Variants in ARHGEF28 observed in about 807,000 individuals in gnomAD.
ARHGEF28 encodes 190 kDa guanine nucleotide exchange factor.
A neutral mutation model predicts 206.6 loss-of-function variants in ARHGEF28; 152 were observed. The observed-to-expected ratio is 0.74, with a 90% confidence interval of 0.64 to 0.84. The LOEUF is 0.84. ARHGEF28 is among the 40% of genes least tolerant of loss of function. The probability of loss-of-function intolerance (pLI) is 0.00; values close to 1 mark genes in which losing one functional copy is unlikely to be tolerated. For synonymous variants in ARHGEF28, 763 were observed against 776.4 expected, an observed-to-expected ratio of 0.98 and a Z score of 0.29; for missense variants, 2,028 against 2,073.2, an observed-to-expected ratio of 0.98 and a Z score of 0.42.
Position 73,690,525 on chromosome 5 carries a change from C to CAA in ARHGEF28, c.33+5666_33+5667dup, listed in dbSNP as rs71615796. On this transcript the variant is annotated intron_variant, in intron 2 of 35. Transcript: ENST00000513042. ...TCAACATTGTAAGACTCTGTCTTTA[C>CAA]AAAAAAAAAAAAAAAAAAAAAAAAA... Among the ~76,000 whole-genome samples the CAA allele has an allele frequency of 6.5e-3, 153 of 23,364 alleles. 29 individuals carry two copies. Among genetic ancestry groups the CAA allele is most frequent in the African/African-American group, 0.013 (132 of 10,408 alleles). 15.3% of individuals were successfully genotyped at this position (23,364 alleles called of 152,430 possible).
chr5:73,813,167 A>T (rs978244901), intron 9 of ARHGEF28, among the ~76,000 whole-genome samples: 1 of 152,128 alleles, frequency 6.6e-6, no homozygotes, highest in African/African-American at 2.4e-5. Context: ...GAGCAAAACA[A>T]GCCTGCACTG....
Position 73,840,670 on chromosome 5 carries a change from T to C in ARHGEF28, c.1337T>C (p.Met446Thr), listed in dbSNP as rs922588511. The stretch of plus-strand genomic sequence containing the variant: ...CACACTGAAGCCCAGCAGTCCTTCA[T>C]GTCACCATCAAGTTCGTGTGCTTCC... ...TAHTEAQQSF[M>T]SPSSSCASNL... The change falls in exon 11 of 36, where the codon ATG becomes ACG. Residue 446 changes from methionine to threonine, a missense_variant. By Grantham distance (81) the Met-to-Thr change is moderately conservative (BLOSUM62 -1). Transcript: ENST00000513042. 2.8e-5 allele frequency: 45 copies of C among 1,613,536 alleles called. No individual in the cohort carries two copies. The highest frequency in any genetic ancestry group is 3.6e-5 in the Non-Finnish European group (43 of 1,179,708).
chr5:73,628,677 A>T (rs1478823748), intron 1 of ARHGEF28, among the ~76,000 whole-genome samples: 2 of 152,332 alleles, frequency 1.3e-5, no homozygotes, highest in African/African-American at 4.8e-5. Flanking sequence ...CCTACTGAGG[A>T]TGTAAAAACA....
chr5:73,844,566 T>A (rs775455623), intron 11 of ARHGEF28, among the ~76,000 whole-genome samples: 41 of 151,740 alleles, frequency 2.7e-4, no homozygotes, highest in Middle Eastern at 3.4e-3. Context: ...TATTTTTTTT[T>A]AAATAACCTA....
chr5:73,802,870 C>CTGTGTGTGTGTG (rs561505395), intron 9 of ARHGEF28, among the ~76,000 whole-genome samples: 59 of 122,220 alleles, frequency 4.8e-4, no homozygotes, highest in African/African-American at 1.7e-3. Flanking sequence ...AGCTCGATTG[C>CTGTGTGTGTGTG]TGTGTGTGTG....
intron 9 of ARHGEF28, among the ~76,000 whole-genome samples, chr5:73,818,562 A>T (rs944701351): frequency 6.6e-5 from 10 of 152,144 alleles, no homozygotes; most frequent in African/African-American, 2.4e-4. Context: ...AGGTGACATA[A>T]CCTGCTAAGA....
chr5:73,849,156 T>A, intron 13 of ARHGEF28, 69 bp downstream of exon 13: 1 of 1,092,664 alleles, frequency 9.2e-7, no homozygotes, highest in Non-Finnish European at 1.3e-6. Context: ...TTAGTATAAG[T>A]ACATAAAATA....
intron 12 of ARHGEF28, among the ~76,000 whole-genome samples, chr5:73,847,859 T>C (rs1184507187): frequency 1.3e-5 from 2 of 152,234 alleles, no homozygotes; most frequent in African/African-American, 4.8e-5. Flanking sequence ...GTTGGCCTTC[T>C]TGACGTCTAG....
intron 2 of ARHGEF28, among the ~76,000 whole-genome samples, chr5:73,710,639 T>C (rs1749183823): frequency 6.6e-6 from 1 of 152,218 alleles, no homozygotes; most frequent in African/African-American, 2.4e-5. Context: ...ATGCAGAGTT[T>C]TAAAAAAATG....
chr5:73,680,149 T>C, intron 1 of ARHGEF28, among the ~76,000 whole-genome samples: 1 of 152,028 alleles, frequency 6.6e-6, no homozygotes, highest in Non-Finnish European at 1.5e-5. Context: ...AAAAAATAAT[T>C]CACAGCTGGG....
At chr5:73,765,529 C>A (rs1752846073) in intron 4 of ARHGEF28, among the ~76,000 whole-genome samples, 1 of 152,198 alleles carries the variant, frequency 6.6e-6, no homozygotes, top group Non-Finnish European at 1.5e-5. Flanking sequence ...CCCATCATAT[C>A]TACAAAACAC....
intron 2 of ARHGEF28, among the ~76,000 whole-genome samples, chr5:73,738,679 T>A (rs11744552): frequency 0.25 from 38,585 of 152,102 alleles, 5,182 homozygotes; most frequent in Non-Finnish European, 0.3. Flanking sequence ...AAGGACTTGG[T>A]GGTCCACCAT....
At chr5:73,723,472 C>A (rs968409558) in intron 2 of ARHGEF28, among the ~76,000 whole-genome samples, 1 of 152,224 alleles carries the variant, frequency 6.6e-6, no homozygotes, top group Non-Finnish European at 1.5e-5. Flanking sequence ...AGGCGTGAGC[C>A]ACCACACCCA....
chr5:73,834,543 TGTG>T (rs1757493360), intron 10 of ARHGEF28, among the ~76,000 whole-genome samples: 1 of 6,178 alleles, frequency 1.6e-4, no homozygotes, highest in Non-Finnish European at 7.2e-4. Context: ...ATAATATTCC[TGTG>T]TGTGTGTGTG....
rs59149035 is a variant in ARHGEF28 at position 73,738,482 on chromosome 5, CGTGTGT to C, written c.34-11324_34-11319del. Among the ~76,000 whole-genome samples the C allele has an allele frequency of 6.0e-4, 87 of 145,684 alleles. 1 individual carries two copies. Among genetic ancestry groups the C allele is most frequent in the East Asian group, 2.1e-3 (10 of 4,812 alleles). The stretch of plus-strand genomic sequence containing the variant: ...TAGCACTCTTATTTAAGAGTGGCCT[CGTGTGT>C]GTGTGTGTGTGTGTGTGTGTGTGTG... On this transcript the variant is annotated intron_variant, in intron 2 of 35. Coordinates refer to ENST00000513042, the MANE Select transcript of ARHGEF28 (RefSeq NM_001177693.2).
chr5:73,924,353 G>T (rs1488413349), intron 35 of ARHGEF28, among the ~76,000 whole-genome samples: 1 of 152,146 alleles, frequency 6.6e-6, no homozygotes, highest in East Asian at 1.9e-4. Flanking sequence ...GAAATTTTAA[G>T]CAGGTGTTTA....
At chr5:73,766,162 A>AC (rs1418734175) in intron 4 of ARHGEF28, among the ~76,000 whole-genome samples, 1 of 150,048 alleles carries the variant, frequency 6.7e-6, no homozygotes, top group African/African-American at 2.4e-5. Flanking sequence ...TCAAAAAAAA[A>AC]AAAACAAAAA....
intron 1 of ARHGEF28, among the ~76,000 whole-genome samples, chr5:73,649,908 G>T (rs1744691606): frequency 6.6e-6 from 1 of 152,210 alleles, no homozygotes; most frequent in East Asian, 1.9e-4. Context: ...AGACCATTAA[G>T]GGGAGACCCT....
chr5:73,774,905 G>A (rs553633990), intron 5 of ARHGEF28, among the ~76,000 whole-genome samples: 78 of 152,294 alleles, frequency 5.1e-4, no homozygotes, highest in Middle Eastern at 6.8e-3. Context: ...TTATTATGTG[G>A]CATGTTCAAA....
Sources: gnomAD v4.1 joint callset for allele counts (sites outside exome capture counted in the v4.1 genomes callset) on GRCh38, gnomAD v4.1.1 for gene constraint, MANE v1.5 for transcripts, NCBI Gene and HGNC (gene_info 2026-07-23, HGNC 2026-07-21) for gene names.